The following CDH13 variants were observed in gnomAD, a reference collection of about 807,000 sequenced individuals.
CDH13 encodes the protein cadherin 13.
In CDH13, 24 loss-of-function variants were observed where a neutral mutation model predicts 63.8. The ratio of observed to expected loss-of-function variants is 0.38; its 90% CI spans 0.27 to 0.53. CDH13 has a LOEUF of 0.53. Ranked by LOEUF, CDH13 falls within the 20% of genes least tolerant of loss-of-function variation. The pLI is 0.85. For missense variants in CDH13, 1,049 were observed against 903.1 expected, an observed-to-expected ratio of 1.16 and a Z score of -2.07; for synonymous variants, 503 against 355.3, an observed-to-expected ratio of 1.42 and a Z score of -4.67.
intron 6 of CDH13, among the ~76,000 whole-genome samples, chr16:83,368,887 TATA>T (rs2091305836): frequency 0.042 from 1,582 of 37,926 alleles, 300 homozygotes; most frequent in East Asian, 0.06. Context: ...TTCCATGTTA[TATA>T]TATATATATA....
At chr16:82,807,528 A>G (rs1156767405) in intron 1 of CDH13, among the ~76,000 whole-genome samples, 2 of 151,754 alleles carry the variant, frequency 1.3e-5, no homozygotes, top group Non-Finnish European at 2.9e-5. Flanking sequence ...TACAAAAGAA[A>G]TAAGAGCAAA....
At chr16:83,450,394 A>G (rs2072853094) in intron 6 of CDH13, among the ~76,000 whole-genome samples, 1 of 152,160 alleles carries the variant, frequency 6.6e-6, no homozygotes, top group Non-Finnish European at 1.5e-5. Flanking sequence ...GCTCCTCTGA[A>G]AAATGGGTGG....
chr16:83,203,096 C>T (rs1237862700), intron 4 of CDH13, among the ~76,000 whole-genome samples: 5 of 152,178 alleles, frequency 3.3e-5, no homozygotes, highest in African/African-American at 9.6e-5. Flanking sequence ...TAGTGGTGCA[C>T]GCCTGTAATC....
intron 8 of CDH13, among the ~76,000 whole-genome samples, chr16:83,615,140 A>G (rs1023859148): frequency 2.1e-4 from 32 of 152,152 alleles, no homozygotes; most frequent in African/African-American, 7.2e-4. Context: ...TGAAGTAAAT[A>G]TATTTATCCA....
intron 3 of CDH13, among the ~76,000 whole-genome samples, chr16:83,070,331 C>G (rs1201550034): frequency 6.6e-6 from 1 of 152,136 alleles, no homozygotes; most frequent in Admixed American, 6.6e-5. Flanking sequence ...TTTGAGGTGC[C>G]TTCTGGCCAT....
intron 8 of CDH13, among the ~76,000 whole-genome samples, chr16:83,653,473 A>G (rs1166361396): frequency 6.6e-6 from 1 of 151,822 alleles, no homozygotes; most frequent in Non-Finnish European, 1.5e-5. Context: ...TAGCTCAGAA[A>G]TCAAACCAGA....
At chr16:83,705,649 C>G (rs905590324) in intron 10 of CDH13, among the ~76,000 whole-genome samples, 1 of 152,150 alleles carries the variant, frequency 6.6e-6, no homozygotes, top group Non-Finnish European at 1.5e-5. Context: ...ATGATATTAG[C>G]AGGAAGAGAG....
chr16:83,345,633 A>G (rs2090823517), intron 6 of CDH13, among the ~76,000 whole-genome samples: 1 of 152,154 alleles, frequency 6.6e-6, no homozygotes, highest in South Asian at 2.1e-4. Flanking sequence ...ACGGTTTTAG[A>G]ATTTAGAGCT....
At chr16:82,871,319 A>AGTGGGCATGGCTCAGGCTGCCATG (rs2040334902) in intron 2 of CDH13, among the ~76,000 whole-genome samples, 2 of 152,160 alleles carry the variant, frequency 1.3e-5, no homozygotes, top group Non-Finnish European at 2.9e-5. Context: ...GAAAAGGATG[A>AGTGGGCATGGCTCAGGCTGCCATG]GTGGGCATGG....
At chr16:83,097,491 T>C (rs1164979509) in intron 3 of CDH13, among the ~76,000 whole-genome samples, 2 of 152,194 alleles carry the variant, frequency 1.3e-5, no homozygotes, top group Non-Finnish European at 2.9e-5. Context: ...CCATGCATAA[T>C]TGCAGCAGAG....
At chr16:82,866,473 C>T (rs373729022) in intron 2 of CDH13, among the ~76,000 whole-genome samples, 1 of 140,908 alleles carries the variant, frequency 7.1e-6, no homozygotes, top group African/African-American at 2.7e-5. Flanking sequence ...ACTGCAACCT[C>T]TGCCTCCCGG....
chr16:83,392,873 G>T (rs560321130), intron 6 of CDH13, among the ~76,000 whole-genome samples: 2 of 152,000 alleles, frequency 1.3e-5, no homozygotes, highest in Non-Finnish European at 2.9e-5. Flanking sequence ...GGCCTGAGCC[G>T]CCCCTGAAGA....
rs533645242 is a variant in CDH13 at position 83,511,155 on chromosome 16, C to T, written c.960+24500C>T. ...GCACACATGCACGCACATGCACACA[C>T]GCTCACACACACAGAATGGTTCGTG... On this transcript the variant is annotated intron_variant, in intron 7 of 13. Transcript: ENST00000567109. 8.4e-4 allele frequency among the ~76,000 whole-genome samples: 127 copies of T among 151,550 alleles called. No individual in the cohort carries two copies. The South Asian group carries it at 0.015, about 18-fold the overall frequency.
At chr16:83,502,808 A>G (rs2074311529) in intron 7 of CDH13, among the ~76,000 whole-genome samples, 1 of 152,218 alleles carries the variant, frequency 6.6e-6, no homozygotes, top group South Asian at 2.1e-4. Context: ...GTGAGACTTG[A>G]GATGACACAG....
intron 2 of CDH13, among the ~76,000 whole-genome samples, chr16:82,969,911 C>T (rs1382213294): frequency 6.6e-6 from 1 of 151,886 alleles, no homozygotes; most frequent in East Asian, 1.9e-4. Flanking sequence ...ATTTCTACAC[C>T]TTTCTTAATC....
chr16:82,882,526 G>C (rs559529499), intron 2 of CDH13, among the ~76,000 whole-genome samples: 27 of 152,180 alleles, frequency 1.8e-4, no homozygotes, highest in Non-Finnish European at 3.2e-4. Context: ...GGTAGGGCTC[G>C]ATGATCAGAA....
At chr16:83,789,614 G>A (rs1333412628) in intron 13 of CDH13, among the ~76,000 whole-genome samples, 2 of 149,642 alleles carry the variant, frequency 1.3e-5, no homozygotes, top group Non-Finnish European at 2.9e-5. Context: ...CTCCCGAAGT[G>A]CTGGGATTAC....
chr16:82,840,457 C>G (rs141918982), intron 1 of CDH13, among the ~76,000 whole-genome samples: 1,940 of 150,876 alleles, frequency 0.013, 37 homozygotes, highest in African/African-American at 0.044. Flanking sequence ...CCCAGGTGGA[C>G]AGATCATTTG....
intron 2 of CDH13, among the ~76,000 whole-genome samples, chr16:82,939,871 G>A (rs1399789209): frequency 2.0e-5 from 3 of 152,004 alleles, no homozygotes; most frequent in Non-Finnish European, 2.9e-5. Context: ...ACGTTTTCAC[G>A]CTGCTGATAA....
Sources: gnomAD v4.1 joint callset for allele counts (sites outside exome capture counted in the v4.1 genomes callset) on GRCh38, gnomAD v4.1.1 for gene constraint, MANE v1.5 for transcripts, NCBI Gene and HGNC (gene_info 2026-07-23, HGNC 2026-07-21) for gene names.